The following ARHGAP5 variants were observed in gnomAD, a reference collection of about 807,000 sequenced individuals.
ARHGAP5 encodes rho GTPase-activating protein 5.
ARHGAP5 carries 23 observed loss-of-function variants against 116.6 expected under a neutral mutation model. The ratio of observed to expected loss-of-function variants is 0.20; its 90% confidence interval spans 0.14 to 0.28. The LOEUF (loss-of-function observed/expected upper bound fraction) is 0.28. ARHGAP5 is among the 10% of genes least tolerant of loss of function. The probability of loss-of-function intolerance (pLI) is 1.00; values close to 1 mark genes in which losing one functional copy is unlikely to be tolerated. For missense variants in ARHGAP5, 1,405 were observed against 1,774.8 expected, an observed-to-expected ratio of 0.79 and a Z score of 3.74; for synonymous variants, 574 against 602.0, an observed-to-expected ratio of 0.95 and a Z score of 0.68.
chr14:32,077,314 G>A lies in ARHGAP5; in HGVS notation c.-290G>A. The A allele has an allele frequency of 2.9e-6, 2 of 694,792 alleles. No homozygotes were observed. Among genetic ancestry groups the A allele is most frequent in the Non-Finnish European group, 5.2e-6 (2 of 382,482 alleles). The allele number at this position is 694,792 out of a possible 1,614,324, so 43.0% of individuals were successfully genotyped here. On this transcript the variant is annotated 5_prime_UTR_variant, in exon 1 of 7. Coordinates refer to ENST00000345122, the MANE Select transcript of ARHGAP5 (RefSeq NM_001030055.2). Reference sequence around the variant, plus strand: ...CTCGGTGAGCGCGCCGAGGAAGAGAGGCGAGCGGAGAGTGGAGGAGGAGGC... The same window carrying A: ...CTCGGTGAGCGCGCCGAGGAAGAGAAGCGAGCGGAGAGTGGAGGAGGAGGC...
intron 2 of ARHGAP5, among the ~76,000 whole-genome samples, chr14:32,116,743 TA>T (rs1879620232): frequency 6.6e-6 from 1 of 152,144 alleles, no homozygotes; most frequent in Admixed American, 6.5e-5. Context: ...TTCTTACAAA[TA>T]TAGATAGACA....
chr14:32,138,781 GA>G (rs1487743147), intron 3 of ARHGAP5, among the ~76,000 whole-genome samples: 2 of 152,162 alleles, frequency 1.3e-5, no homozygotes, highest in Non-Finnish European at 2.9e-5. Flanking sequence ...GATCTTAGGG[GA>G]AAACTGATTC....
chr14:32,106,563 C>T (rs1470861968), intron 2 of ARHGAP5, among the ~76,000 whole-genome samples: 1 of 152,118 alleles, frequency 6.6e-6, no homozygotes, highest in South Asian at 2.1e-4. Flanking sequence ...ATTTATGTTG[C>T]TTTCTGGGGG....
intron 3 of ARHGAP5, among the ~76,000 whole-genome samples, chr14:32,142,162 T>G (rs1566682554): frequency 6.6e-6 from 1 of 152,164 alleles, no homozygotes; most frequent in Non-Finnish European, 1.5e-5. Context: ...CTGGTTTCCT[T>G]TAGTTCTTTG....
chr14:32,083,219 CTA>C (rs1271090490), intron 1 of ARHGAP5, among the ~76,000 whole-genome samples: 1 of 152,272 alleles, frequency 6.6e-6, no homozygotes, highest in African/African-American at 2.4e-5. Context: ...TGCCTACTCT[CTA>C]TTTTTGTAAA....
At chr14:32,080,070 C>G (rs1000550113) in intron 1 of ARHGAP5, among the ~76,000 whole-genome samples, 1 of 151,944 alleles carries the variant, frequency 6.6e-6, no homozygotes, top group African/African-American at 2.4e-5. Context: ...TAAGTGCAGG[C>G]TTTTGTCGAT....
At position 32,092,082 on chromosome 14, in the gene ARHGAP5, C is replaced by T; in HGVS notation, c.1413C>T (p.Ser471=). 2 of 1,613,700 alleles carry T rather than the reference C, an allele frequency of 1.2e-6. No homozygotes were observed. Among genetic ancestry groups the T allele is most frequent in the Non-Finnish European group, 1.7e-6 (2 of 1,179,778 alleles). The change falls in exon 2 of 7, where the codon AGC becomes AGT. Residue 471 remains serine (S), a synonymous_variant. Transcript: ENST00000345122. This position sits in a 1 kb window ranked among gnomAD's most constrained non-coding sequence, Gnocchi z 4.1. ...EAYKYITEAD[S]KEVYGRHQRE... Reference sequence around the variant, plus strand: ...ACAAATATATCACTGAGGCTGATAGCAAAGAGGTATATGGTAGGCATCAGC... The same window carrying T: ...ACAAATATATCACTGAGGCTGATAGTAAAGAGGTATATGGTAGGCATCAGC...
rs1881989040 is a variant in ARHGAP5 at position 32,158,399 on chromosome 14, G to A, written c.*3451G>A. 1 of 151,940 alleles carries A rather than the reference G, an allele frequency of 6.6e-6. No homozygotes were observed. Among genetic ancestry groups the A allele is most frequent in the South Asian group, 2.1e-4 (1 of 4,828 alleles). The allele number at this position is 151,940 out of a possible 1,614,324, so 9.4% of individuals were successfully genotyped here. A position where few individuals can be genotyped will look rare whatever the true frequency, so the allele number is the denominator to read the frequency against. ...TCTAAGACTAAGATCTTACCTGGATGTGATTTTTGAGCTGTGGCTAGACAT... is the reference window on the plus strand; with the variant it reads ...TCTAAGACTAAGATCTTACCTGGATATGATTTTTGAGCTGTGGCTAGACAT... On this transcript the variant is annotated 3_prime_UTR_variant, in exon 7 of 7. Coordinates refer to ENST00000345122, the MANE Select transcript of ARHGAP5 (RefSeq NM_001030055.2).
chr14:32,113,693 T>C (rs1449153868), intron 2 of ARHGAP5, among the ~76,000 whole-genome samples: 1 of 152,222 alleles, frequency 6.6e-6, no homozygotes, highest in Non-Finnish European at 1.5e-5. Flanking sequence ...CTTCACTTTT[T>C]CCTCTTTCCT....
At chr14:32,100,127 A>G (rs1435205635) in intron 2 of ARHGAP5, among the ~76,000 whole-genome samples, 1 of 152,256 alleles carries the variant, frequency 6.6e-6, no homozygotes, top group Non-Finnish European at 1.5e-5. Context: ...TGAGTTTCAC[A>G]TCCACAGATT....
At chr14:32,105,643 C>T (rs1025514661) in intron 2 of ARHGAP5, among the ~76,000 whole-genome samples, 2 of 152,088 alleles carry the variant, frequency 1.3e-5, no homozygotes, top group African/African-American at 2.4e-5. Context: ...CTAATTTGTA[C>T]ATGTGTATAT....
chr14:32,147,494 A>G (rs893437402), intron 4 of ARHGAP5, among the ~76,000 whole-genome samples: 1 of 152,228 alleles, frequency 6.6e-6, no homozygotes, highest in African/African-American at 2.4e-5. Context: ...GTAAACATGT[A>G]TCTTGTACGC....
At chr14:32,138,853 T>TGA (rs1425021048) in intron 3 of ARHGAP5, among the ~76,000 whole-genome samples, 8 of 152,294 alleles carry the variant, frequency 5.3e-5, no homozygotes, top group African/African-American at 1.7e-4. Flanking sequence ...TAAATGTCCT[T>TGA]GATCGTGTTG....
intron 4 of ARHGAP5, among the ~76,000 whole-genome samples, chr14:32,148,038 A>G (rs1290794971): frequency 6.6e-6 from 1 of 152,212 alleles, no homozygotes; most frequent in East Asian, 1.9e-4. Flanking sequence ...CTGTAATCCC[A>G]GCTACTTGGG....
chr14:32,090,224 G>C (rs1402047714), intron 1 of ARHGAP5, among the ~76,000 whole-genome samples: 1 of 151,890 alleles, frequency 6.6e-6, no homozygotes, highest in Non-Finnish European at 1.5e-5. Flanking sequence ...CTCATAGGAA[G>C]GGGTAATTAG....
At chr14:32,089,215 A>G (rs1402249628) in intron 1 of ARHGAP5, among the ~76,000 whole-genome samples, 3 of 152,108 alleles carry the variant, frequency 2.0e-5, no homozygotes, top group South Asian at 2.1e-4. Flanking sequence ...TATCTTCACC[A>G]TTAGTTAGTG....
At chr14:32,127,811 A>G (rs1880252766) in intron 3 of ARHGAP5, among the ~76,000 whole-genome samples, 1 of 149,568 alleles carries the variant, frequency 6.7e-6, no homozygotes, top group South Asian at 2.1e-4. Flanking sequence ...CACCTCCCAG[A>G]CGGGGTGGCC....
rs1566662764 is a variant in ARHGAP5 at position 32,094,216 on chromosome 14, A to T, written c.3547A>T (p.Thr1183Ser). ...SDASDDEAFT[T>S]SKTKRKGRHR... Reference sequence around the variant, plus strand: ...TGCCAGTGATGATGAGGCTTTCACCACTTCTAAAACAAAAAGAAAAGGAAG... The same window carrying T: ...TGCCAGTGATGATGAGGCTTTCACCTCTTCTAAAACAAAAAGAAAAGGAAG... The change falls in exon 2 of 7, where the codon ACT (threonine) becomes TCT (serine). Residue 1183 changes from threonine (T) to serine (S), a missense_variant. Coordinates refer to ENST00000345122, the MANE Select transcript of ARHGAP5 (RefSeq NM_001030055.2). 6.2e-7 allele frequency: 1 copy of T among 1,612,754 alleles called. No homozygotes were observed. Among genetic ancestry groups the T allele is most frequent in the South Asian group, 1.1e-5 (1 of 90,718 alleles).
chr14:32,128,969 A>AG (rs1594377885), intron 3 of ARHGAP5, among the ~76,000 whole-genome samples: 1 of 152,178 alleles, frequency 6.6e-6, no homozygotes, highest in East Asian at 1.9e-4. Context: ...GAATCTACTG[A>AG]GGCATTCCTG....
Sources: gnomAD v4.1 joint callset for allele counts (sites outside exome capture counted in the v4.1 genomes callset) on GRCh38, gnomAD v4.1.1 for gene constraint, Gnocchi (gnomAD v3.1) non-coding constraint, MANE v1.5 for transcripts, NCBI Gene and HGNC (gene_info 2026-07-23, HGNC 2026-07-21) for gene names.